AK9: variants seen among roughly 807,000 people sequenced by gnomAD.
AK9 encodes the protein adenylate kinase 9.
AK9 carries 191 observed loss-of-function variants against 239.6 expected under a neutral mutation model. The ratio of observed to expected loss-of-function variants is 0.80; its 90% CI spans 0.71 to 0.90. The LOEUF (loss-of-function observed/expected upper bound fraction) is 0.90. AK9 is among the 40% of genes least tolerant of loss of function. The pLI is 0.00. For synonymous variants in AK9, 689 were observed against 721.0 expected, an observed-to-expected ratio of 0.96 and a Z score of 0.71; for missense variants, 1,995 against 2,214.7, an observed-to-expected ratio of 0.90 and a Z score of 1.99.
In AK9 at chr6:109,546,277, T is replaced by C. The variant is rs923898863; in HGVS notation, c.2965-150A>G. 7.5e-5 allele frequency: 49 copies of C among 656,750 alleles called. No homozygotes were observed. The Admixed American group carries it at 1.6e-3, about 22-fold the overall frequency. 40.7% of individuals were successfully genotyped at this position (656,750 alleles called of 1,614,324 possible). ...CATCATGAACTCAAGGATGCTTAGA[T>C]ATTAGGATTTCAATTAACATAATTA... On this transcript the variant is annotated intron_variant, in intron 25 of 40. Transcript: ENST00000424296.
At chr6:109,559,013 G>A (rs556259136) in intron 24 of AK9, among the ~76,000 whole-genome samples, 7 of 151,940 alleles carry the variant, frequency 4.6e-5, no homozygotes, top group Admixed American at 1.3e-4. Context: ...CACCACGCCC[G>A]GCTCATTTTT....
At chr6:109,532,383 T>G (rs1296130536) in intron 28 of AK9, among the ~76,000 whole-genome samples, 1 of 152,228 alleles carries the variant, frequency 6.6e-6, no homozygotes, top group African/African-American at 2.4e-5. Context: ...CGTTTAACAC[T>G]GCTCTCATGC....
chr6:109,623,897 ACACACAC>A lies in AK9; in HGVS notation c.1255-4668_1255-4662del, dbSNP rs1387434789. 6.0e-3 allele frequency among the ~76,000 whole-genome samples: 895 copies of A among 148,408 alleles called. 11 individuals carry two copies. Among genetic ancestry groups the A allele is most frequent in the African/African-American group, 0.022 (843 of 39,136 alleles). On this transcript the variant is annotated intron_variant, in intron 12 of 40. Transcript: ENST00000424296. ...CACACACACACACACACACACACACACACACACATTTCTTCTCCCACATCCCTCCGTA... is the reference window on the plus strand; with the variant it reads ...CACACACACACACACACACACACACAATTTCTTCTCCCACATCCCTCCGTA...
intron 27 of AK9, among the ~76,000 whole-genome samples, chr6:109,540,152 C>T (rs991051223): frequency 6.6e-6 from 1 of 151,364 alleles, no homozygotes; most frequent in African/African-American, 2.5e-5. Context: ...ATATTTAAGT[C>T]TGCAGAGGTT....
intron 24 of AK9, among the ~76,000 whole-genome samples, chr6:109,559,659 G>T (rs1785493319): frequency 1.3e-5 from 2 of 152,114 alleles, no homozygotes; most frequent in South Asian, 4.1e-4. Context: ...AATAAAATTG[G>T]TTTTTGAATA....
At chr6:109,641,400 C>T in intron 10 of AK9, 118 bp downstream of exon 10, 1 of 571,400 alleles carries the variant, frequency 1.8e-6, no homozygotes, top group Non-Finnish European at 2.9e-6. Context: ...GTCATCCAGG[C>T]TGGTCTCAGA....
chr6:109,661,550 G>A (rs996747070), intron 6 of AK9, among the ~76,000 whole-genome samples: 1 of 152,140 alleles, frequency 6.6e-6, no homozygotes. Context: ...GGTTTCAGTT[G>A]AATGAGATAT....
intron 17 of AK9, among the ~76,000 whole-genome samples, chr6:109,591,207 C>T (rs565899717): frequency 2.5e-4 from 38 of 152,020 alleles, no homozygotes; most frequent in African/African-American, 8.0e-4. Flanking sequence ...CTGTGGTATT[C>T]GATGCATATA....
At chr6:109,544,219 T>A (rs1445805037) in intron 26 of AK9, among the ~76,000 whole-genome samples, 2 of 152,220 alleles carry the variant, frequency 1.3e-5, no homozygotes, top group Non-Finnish European at 2.9e-5. Context: ...GTGTTACATA[T>A]AACTGCATTT....
chr6:109,567,544 A>C (rs987324745), intron 21 of AK9, among the ~76,000 whole-genome samples: 1 of 152,034 alleles, frequency 6.6e-6, no homozygotes, highest in South Asian at 2.1e-4. Context: ...TATTCCAATC[A>C]ATGGGAAAAG....
intron 8 of AK9, among the ~76,000 whole-genome samples, chr6:109,652,136 A>T (rs1274117080): frequency 1.3e-5 from 2 of 152,234 alleles, no homozygotes; most frequent in African/African-American, 4.8e-5. Flanking sequence ...CCTGATGAAC[A>T]TCGATGCAAA....
intron 29 of AK9, 194 bp downstream of exon 29, chr6:109,528,817 A>C: frequency 1.1e-6 from 1 of 898,176 alleles, no homozygotes; most frequent in Non-Finnish European, 1.7e-6. Flanking sequence ...CTGTTACAAG[A>C]GTGTCTTAAG....
At chr6:109,540,925 C>A (rs982688835) in intron 27 of AK9, among the ~76,000 whole-genome samples, 1 of 152,152 alleles carries the variant, frequency 6.6e-6, no homozygotes, top group Non-Finnish European at 1.5e-5. Context: ...GAATTATACA[C>A]ACATTATACT....
At position 109,493,529 on chromosome 6, in the gene AK9, T is replaced by C. The variant is rs1776737173; in HGVS notation, c.5576A>G (p.Lys1859Arg). The change falls in exon 41 of 41, where the codon AAG (lysine) becomes AGG (arginine). Residue 1859 changes from lysine to arginine, a missense_variant. Physicochemically the swap from Lys to Arg is conservative, Grantham distance 26. Around this residue, in one of 5 missense-constraint regions of AK9, gnomAD observed 391 missense variants for 456.0 expected, o/e 0.86. Transcript: ENST00000424296. ...CTCCATAAACTGCTCCATCTTCTTC[T>C]TATACTTTTTTCTTGTGTATTCGGA... ...KGSEYTRKKY[K>R]KKMEQFMESC... 1 of 1,613,938 alleles carries C rather than the reference T, an allele frequency of 6.2e-7. No homozygotes were observed. The highest frequency in any genetic ancestry group is 1.3e-5 in the African/African-American group (1 of 74,930).
At chr6:109,602,838 A>T (rs987822606) in intron 17 of AK9, among the ~76,000 whole-genome samples, 2 of 152,076 alleles carry the variant, frequency 1.3e-5, no homozygotes, top group Non-Finnish European at 2.9e-5. Flanking sequence ...TTAATCACTG[A>T]TACCCTTTCT....
chr6:109,586,822 T>A (rs1034699267), intron 17 of AK9, among the ~76,000 whole-genome samples: 6 of 152,178 alleles, frequency 3.9e-5, no homozygotes, highest in African/African-American at 1.4e-4. Flanking sequence ...TGGAAATTAG[T>A]AATGTGTATC....
At chr6:109,623,756 CCTTTT>C (rs1795142444) in intron 12 of AK9, among the ~76,000 whole-genome samples, 3 of 151,960 alleles carry the variant, frequency 2.0e-5, no homozygotes, top group South Asian at 2.1e-4. Flanking sequence ...GTTTTACTTT[CCTTTT>C]AATTTTTTTC....
At chr6:109,581,777 T>G (rs538133809) in intron 19 of AK9, among the ~76,000 whole-genome samples, 2 of 152,258 alleles carry the variant, frequency 1.3e-5, no homozygotes, top group Non-Finnish European at 2.9e-5. Context: ...AAACAACAGA[T>G]TTTTCAATGT....
intron 3 of AK9, among the ~76,000 whole-genome samples, chr6:109,673,217 G>T (rs1175945250): frequency 6.6e-6 from 1 of 151,986 alleles, no homozygotes; most frequent in Non-Finnish European, 1.5e-5. Context: ...GTGTGTGTGT[G>T]TGAGTGTGTG....
Sources: gnomAD v4.1 joint callset for allele counts (sites outside exome capture counted in the v4.1 genomes callset) on GRCh38, gnomAD v4.1.1 for gene constraint, gnomAD v4.1.1 regional missense constraint, MANE v1.5 for transcripts, NCBI Gene and HGNC (gene_info 2026-07-23, HGNC 2026-07-21) for gene names.